Variants in LRIF1 observed in about 807,000 individuals in gnomAD.
LRIF1 encodes ligand-dependent nuclear receptor-interacting factor 1.
Under a neutral mutation model 52.7 loss-of-function variants are expected in LRIF1, and 32 were observed. The ratio of observed to expected loss-of-function variants is 0.61; its 90% confidence interval spans 0.46 to 0.82. LRIF1 has a LOEUF of 0.82. Ranked by LOEUF, LRIF1 falls within the 40% of genes least tolerant of loss-of-function variation. LRIF1 has a pLI of 0.00. For synonymous variants in LRIF1, 323 were observed against 317.4 expected (o/e 1.02, Z -0.19); for missense variants, 887 against 892.0 (o/e 0.99, Z 0.07).
the LRIF1 span, chr1:110,936,232 A>G: frequency 6.6e-6 from 1 of 152,174 alleles, no homozygotes; most frequent in Non-Finnish European, 1.5e-5. Context: ...AAGGACATTA[A>G]CAAGCAATAA....
the LRIF1 span, among the ~76,000 whole-genome samples, chr1:110,878,996 CAT>C: frequency 2.5e-3 from 368 of 149,302 alleles, 1 homozygote; most frequent in African/African-American, 8.0e-3. Flanking sequence ...GGAAAAAAAA[CAT>C]GTGCTTTTCT....
At chr1:110,913,276 T>C in the LRIF1 span, among the ~76,000 whole-genome samples, 1 of 152,202 alleles carries the variant, frequency 6.6e-6, no homozygotes, top group Non-Finnish European at 1.5e-5. Flanking sequence ...AAAGATTTCA[T>C]GATAAAGTGC....
chr1:110,911,424 G>A, the LRIF1 span, among the ~76,000 whole-genome samples: 6 of 152,132 alleles, frequency 3.9e-5, no homozygotes, highest in East Asian at 1.2e-3. Flanking sequence ...TTCCAGATAT[G>A]TAAAGAAGAG....
At chr1:110,881,579 G>A in the LRIF1 span, among the ~76,000 whole-genome samples, 6 of 152,126 alleles carry the variant, frequency 3.9e-5, no homozygotes, top group Non-Finnish European at 8.8e-5. Context: ...TCCTGTACTA[G>A]TCCTAGTATG....
At chr1:110,892,454 T>G in the LRIF1 span, 7 of 1,614,114 alleles carry the variant, frequency 4.3e-6, no homozygotes, top group African/African-American at 8.0e-5. Flanking sequence ...GTGTTTGTCA[T>G]CGTGGGCTCT....
chr1:110,907,327 C>T, the LRIF1 span, among the ~76,000 whole-genome samples: 1,298 of 152,164 alleles, frequency 8.5e-3, 18 homozygotes, highest in African/African-American at 0.029. Flanking sequence ...AATGTTCTAC[C>T]AGAATTTTCT....
At chr1:110,948,482 G>T in intron 3 of LRIF1, 83 bp from the exon 4 acceptor site, 1 of 1,472,068 alleles carries the variant, frequency 6.8e-7, no homozygotes, top group South Asian at 1.4e-5. Flanking sequence ...AACAACGTCT[G>T]CAGAAACAAA....
chr1:110,945,775 A>T (rs1043370185), downstream of LRIF1, among the ~76,000 whole-genome samples: 1 of 152,152 alleles, frequency 6.6e-6, no homozygotes, highest in African/African-American at 2.4e-5. Context: ...GAATGTTTCA[A>T]CATTTTTCAA....
the LRIF1 span, among the ~76,000 whole-genome samples, chr1:110,935,094 C>T: frequency 1.8e-4 from 27 of 152,224 alleles, no homozygotes; most frequent in Non-Finnish European, 1.8e-4. Context: ...AAGGCAGTAC[C>T]TCTATGAGTC....
At chr1:110,930,988 AT>A in the LRIF1 span, among the ~76,000 whole-genome samples, 123 of 131,174 alleles carry the variant, frequency 9.4e-4, no homozygotes, top group Middle Eastern at 4.2e-3. Context: ...GCAGCATGAC[AT>A]TTTTTTTTTT....
chr1:110,885,996 A>G, the LRIF1 span, among the ~76,000 whole-genome samples: 1 of 152,038 alleles, frequency 6.6e-6, no homozygotes, highest in Non-Finnish European at 1.5e-5. Context: ...ATCTGGTCTC[A>G]TTTTTCTTCT....
At chr1:110,922,930 CAT>C in the LRIF1 span, among the ~76,000 whole-genome samples, 2 of 152,200 alleles carry the variant, frequency 1.3e-5, no homozygotes, top group Non-Finnish European at 2.9e-5. Flanking sequence ...TTATCTCCTC[CAT>C]AGTCAAAGCT....
At chr1:110,901,236 G>C in the LRIF1 span, among the ~76,000 whole-genome samples, 1 of 151,634 alleles carries the variant, frequency 6.6e-6, no homozygotes, top group Non-Finnish European at 1.5e-5. Flanking sequence ...GGAGTACAGT[G>C]GTGCAATCTT....
chr1:110,917,163 A>G, the LRIF1 span, among the ~76,000 whole-genome samples: 2 of 152,178 alleles, frequency 1.3e-5, no homozygotes, highest in Non-Finnish European at 2.9e-5. Flanking sequence ...CATCAGGACA[A>G]AGTTTCTCCT....
the LRIF1 span, among the ~76,000 whole-genome samples, chr1:110,932,196 A>C: frequency 6.6e-6 from 1 of 152,188 alleles, no homozygotes; most frequent in South Asian, 2.1e-4. Context: ...TCAGCTTTCT[A>C]CATATGGCTA....
At position 110,963,704 on chromosome 1, in the gene LRIF1, G is replaced by T; in HGVS notation, c.-16C>A. 6.3e-7 allele frequency: 1 copy of T among 1,592,076 alleles called. No homozygotes were observed. Among genetic ancestry groups the T allele is most frequent in the South Asian group, 1.1e-5 (1 of 89,836 alleles). On this transcript the variant is annotated 5_prime_UTR_variant, in exon 1 of 4. Coordinates refer to ENST00000369763, the MANE Select transcript of LRIF1 (RefSeq NM_018372.4). The stretch of plus-strand genomic sequence containing the variant: ...TATTTGACATTTTAGTGGGGAGAAA[G>T]GGGACACCTCATCCAGAAAAGTGGG...
At chr1:110,883,907 G>A in the LRIF1 span, among the ~76,000 whole-genome samples, 1 of 151,744 alleles carries the variant, frequency 6.6e-6, no homozygotes, top group Non-Finnish European at 1.5e-5. Flanking sequence ...GATAATCTTT[G>A]TTCTCTATTT....
chr1:110,902,748 C>T, the LRIF1 span, among the ~76,000 whole-genome samples: 2 of 152,032 alleles, frequency 1.3e-5, no homozygotes, highest in Non-Finnish European at 2.9e-5. Context: ...AATAGAATAC[C>T]AGTTTCCCCT....
At chr1:110,963,228 G>C (rs761408204) in intron 1 of LRIF1, 1 of 157,222 alleles carries the variant, frequency 6.4e-6, no homozygotes, top group African/African-American at 2.4e-5. Flanking sequence ...TTCACTGAAG[G>C]TCCAGCGCCA....
Sources: gnomAD v4.1 joint callset for allele counts (sites outside exome capture counted in the v4.1 genomes callset) on GRCh38, gnomAD v4.1.1 for gene constraint, MANE v1.5 for transcripts, NCBI Gene and HGNC (gene_info 2026-07-23, HGNC 2026-07-21) for gene names.